Variants in ZAP70 observed in about 807,000 individuals in gnomAD.
ZAP70 encodes zeta chain of T cell receptor associated protein kinase 70, also known as tyrosine-protein kinase ZAP-70.
A neutral mutation model predicts 65.8 loss-of-function variants in ZAP70; 27 were observed. That is an observed-to-expected ratio of 0.41 (90% CI 0.30 to 0.57). ZAP70 has a LOEUF of 0.57. ZAP70 is among the 20% of genes least tolerant of loss of function. The pLI, the probability that ZAP70 is intolerant of heterozygous loss-of-function variation, is 0.28. For missense variants in ZAP70, 696 were observed against 870.5 expected (o/e 0.80, Z 2.52); for synonymous variants, 363 against 360.8 (o/e 1.01, Z -0.07).
chr2:97,732,724 T>C lies in ZAP70; in HGVS notation c.564-159T>C, dbSNP rs567590847. The C allele has an allele frequency of 6.8e-6, 7 of 1,033,838 alleles. No individual in the cohort carries two copies. The South Asian group carries it at 9.4e-5, about 14-fold the overall frequency. The allele number at this position is 1,033,838 out of a possible 1,614,324, so 64.0% of individuals were successfully genotyped here. On this transcript the variant is annotated intron_variant, in intron 4 of 13. Coordinates refer to ENST00000264972, the MANE Select transcript of ZAP70 (RefSeq NM_001079.4). The stretch of plus-strand genomic sequence containing the variant: ...CCACTTGGCCCATCATCAGCAGATC[T>C]GGAGGTGATGGGGGCCTGGCCTGGC...
the ZAP70 span, among the ~76,000 whole-genome samples, chr2:97,753,042 T>C: frequency 2.6e-4 from 39 of 152,360 alleles, no homozygotes; most frequent in African/African-American, 9.1e-4. Context: ...CATAACTAAA[T>C]CACTTTACTT....
At chr2:97,724,829 C>A in intron 3 of ZAP70, 1 of 1,517,878 alleles carries the variant, frequency 6.6e-7, no homozygotes, top group Non-Finnish European at 8.8e-7. Context: ...CTGAGTGACA[C>A]CACCATGCAC....
chr2:97,747,815 GTTTTTTTTTTTTTTTTTTTT>G, the ZAP70 span, among the ~76,000 whole-genome samples: 7 of 54,792 alleles, frequency 1.3e-4, no homozygotes, highest in East Asian at 4.7e-4. Flanking sequence ...CTGGCACGAG[GTTTTTTTTTTTTTTTTTTTT>G]TTTTTTTTTT....
chr2:97,734,602 G>C lies in ZAP70; in HGVS notation c.972G>C (p.Glu324Asp). ...AGAGCCCCTACAGCGACCCAGAGGA[G>C]CTCAAGGACAAGAAGCTCTTCCTGA... is the stretch of plus-strand genomic sequence containing the variant. ...VYESPYSDPEELKDKKLFLKR... is the reference protein window; with the variant it reads ...VYESPYSDPEDLKDKKLFLKR... Residue 324 changes from glutamate to aspartate, a missense_variant, in exon 9 of 14, where the codon GAG becomes GAC. Physicochemically the swap from Glu to Asp is conservative, Grantham distance 45 (BLOSUM62 2). Transcript: ENST00000264972. 1 of 1,614,212 alleles carries C rather than the reference G, an allele frequency of 6.2e-7. No individual in the cohort carries two copies. The highest frequency in any genetic ancestry group is 8.5e-7 in the Non-Finnish European group (1 of 1,180,028).
At chr2:97,734,834 C>G (rs1215728435) in intron 9 of ZAP70, 122 bp downstream of exon 9, 3 of 1,359,680 alleles carry the variant, frequency 2.2e-6, no homozygotes, top group East Asian at 2.4e-5. Context: ...GAAACAGACT[C>G]TGGGGCAGGA....
In ZAP70 at chr2:97,736,979, A is replaced by C. The variant is rs1677914983; in HGVS notation, c.1290-494A>C. 6.6e-6 allele frequency among the ~76,000 whole-genome samples: 1 copy of C among 152,006 alleles called. No individual in the cohort carries two copies. The highest frequency in any genetic ancestry group is 1.5e-5 in the Non-Finnish European group (1 of 67,984). ...GCTGACTATTCCTGCCTGGGGGTCC[A>C]GGTGAGTGATGCTGCGGCTGCTTCC... is the stretch of plus-strand genomic sequence containing the variant. On this transcript the variant is annotated intron_variant, in intron 10 of 13. Coordinates refer to ENST00000264972, the MANE Select transcript of ZAP70 (RefSeq NM_001079.4). This position sits in a 1 kb window ranked among gnomAD's most constrained non-coding sequence, Gnocchi z 4.0.
At chr2:97,750,963 C>A in the ZAP70 span, among the ~76,000 whole-genome samples, 1 of 152,306 alleles carries the variant, frequency 6.6e-6, no homozygotes, top group South Asian at 2.1e-4. Flanking sequence ...TTGGTGGGAA[C>A]TGGAGTTTGC....
In ZAP70 at chr2:97,734,546, C is replaced by T. The variant is rs200510184; in HGVS notation, c.916C>T (p.Arg306Trp). The T allele has an allele frequency of 4.3e-6, 7 of 1,614,060 alleles. No homozygotes were observed. Among genetic ancestry groups the T allele is most frequent in the South Asian group, 1.1e-5 (1 of 91,084 alleles). The change falls in exon 9 of 14, where the codon CGG becomes TGG. Residue 306 changes from arginine to tryptophan, a missense_variant. This residue lies in a region of ZAP70 where 551 missense variants were observed against 630.0 expected (regional missense o/e 0.87). Transcript: ENST00000264972. Reference protein sequence around the residue: ...PARITSPDKPRPMPMDTSVYE... With the variant: ...PARITSPDKPWPMPMDTSVYE... ...ACGCATAACGTCCCCAGACAAACCG[C>T]GGCCGATGCCCATGGACACGAGCGT...
At chr2:97,724,725 A>C in intron 3 of ZAP70, 1 of 1,500,388 alleles carries the variant, frequency 6.7e-7, no homozygotes, top group Non-Finnish European at 8.9e-7. Context: ...GAGGCTTGGA[A>C]TGGGGGCGGG....
At chr2:97,716,379 CA>C (rs1676915758) in intron 2 of ZAP70, among the ~76,000 whole-genome samples, 1 of 152,184 alleles carries the variant, frequency 6.6e-6, no homozygotes, top group Non-Finnish European at 1.5e-5. Flanking sequence ...GAGAACAAGA[CA>C]AAGGCTCCAC....
the ZAP70 span, among the ~76,000 whole-genome samples, chr2:97,753,650 T>G: frequency 2.4e-4 from 36 of 152,262 alleles, no homozygotes; most frequent in African/African-American, 7.2e-4. Flanking sequence ...TAAAAAAGAT[T>G]ATACCTTTGT....
chr2:97,751,206 T>C, the ZAP70 span, among the ~76,000 whole-genome samples: 5,056 of 152,316 alleles, frequency 0.033, 287 homozygotes, highest in African/African-American at 0.11. Flanking sequence ...GCACAGATCG[T>C]ATGGGGAGCA....
intron 4 of ZAP70, among the ~76,000 whole-genome samples, chr2:97,726,281 C>CTGCTGGGGCTGT (rs1677386927): frequency 6.6e-6 from 1 of 152,214 alleles, no homozygotes; most frequent in South Asian, 2.1e-4. Flanking sequence ...TTTGACAGCC[C>CTGCTGGGGCTGT]TGCTGGGGCT....
intron 3 of ZAP70, chr2:97,724,663 C>T (rs1465690429): frequency 2.0e-6 from 3 of 1,529,048 alleles, no homozygotes; most frequent in Middle Eastern, 1.7e-4. Flanking sequence ...TGCTATGGTG[C>T]TCTACTATGC....
intron 2 of ZAP70, among the ~76,000 whole-genome samples, chr2:97,722,360 C>T (rs1677197351): frequency 6.6e-6 from 1 of 152,234 alleles, no homozygotes; most frequent in Non-Finnish European, 1.5e-5. Flanking sequence ...GGATGACAGG[C>T]ATGAGCCGTT....
At chr2:97,735,103 C>T (rs1677805822) in intron 9 of ZAP70, 147 bp from the exon 10 acceptor site, 10 of 929,138 alleles carry the variant, frequency 1.1e-5, no homozygotes, top group Non-Finnish European at 1.6e-5. Flanking sequence ...GCTGCAGGGA[C>T]ATTGAGCGCC....
intron 2 of ZAP70, among the ~76,000 whole-genome samples, chr2:97,723,691 G>C (rs550087075): frequency 4.6e-5 from 7 of 152,358 alleles, no homozygotes; most frequent in African/African-American, 1.7e-4. Context: ...CCCCAGCACC[G>C]GGCCTGAAAC....
At position 97,724,073 on chromosome 2, in the gene ZAP70, G is replaced by C. The variant is rs1340607126; in HGVS notation, c.37G>C (p.Gly13Arg). 1.3e-6 allele frequency: 2 copies of C among 1,559,244 alleles called. No homozygotes were observed. The highest frequency in any genetic ancestry group is 1.8e-5 in the Admixed American group (1 of 54,090). Reference sequence around the variant, plus strand: ...CGCGGCGCACCTGCCCTTCTTCTACGGCAGCATCTCGCGTGCCGAGGCCGA... The same window carrying C: ...CGCGGCGCACCTGCCCTTCTTCTACCGCAGCATCTCGCGTGCCGAGGCCGA... ...DPAAHLPFFY[G>R]SISRAEAEEH... Residue 13 changes from glycine to arginine, a missense_variant, in exon 3 of 14, where the codon GGC becomes CGC. Gly to Arg is a moderately radical substitution (Grantham distance 125). Transcript: ENST00000264972.
In ZAP70 at chr2:97,724,050, C is replaced by T. The variant is rs1458452246; in HGVS notation, c.14C>T (p.Ala5Val). The T allele has an allele frequency of 1.3e-6, 2 of 1,553,168 alleles. No individual in the cohort carries two copies. The highest frequency in any genetic ancestry group is 1.7e-6 in the Non-Finnish European group (2 of 1,155,376). Residue 5 changes from alanine to valine, a missense_variant, in exon 3 of 14, where the codon GCG becomes GTG. Around this residue, in one of 3 missense-constraint regions of ZAP70, gnomAD observed 551 missense variants for 630.0 expected, o/e 0.87. Coordinates refer to ENST00000264972, the MANE Select transcript of ZAP70 (RefSeq NM_001079.4). Reference protein sequence around the residue: MPDPAAHLPFFYGSI... With the variant: MPDPVAHLPFFYGSI... Reference sequence around the variant, plus strand: ...GGCCCAGGGGCGATGCCAGACCCCGCGGCGCACCTGCCCTTCTTCTACGGC... The same window carrying T: ...GGCCCAGGGGCGATGCCAGACCCCGTGGCGCACCTGCCCTTCTTCTACGGC...
Sources: allele counts gnomAD v4.1 joint callset (sites outside exome capture counted in the v4.1 genomes callset), GRCh38; gene constraint gnomAD v4.1.1; regional missense constraint gnomAD v4.1.1; non-coding constraint Gnocchi (gnomAD v3.1); transcripts MANE v1.5; gene names NCBI Gene and HGNC (gene_info 2026-07-23, HGNC 2026-07-21).